Variants in DPP6 observed in about 807,000 individuals in gnomAD.
DPP6 encodes A-type potassium channel modulatory protein DPP6.
DPP6 carries 69 observed loss-of-function variants against 122.6 expected under a neutral mutation model. The ratio of observed to expected loss-of-function variants is 0.56; its 90% CI spans 0.46 to 0.69. The LOEUF (loss-of-function observed/expected upper bound fraction) is 0.69, where lower values mean the gene tolerates loss of function less well. Among genes scored for constraint, DPP6 ranks in the 30% least tolerant of loss-of-function variants. The pLI, the probability that DPP6 is intolerant of heterozygous loss-of-function variation, is 0.00. For synonymous variants in DPP6, 418 were observed against 433.1 expected (o/e 0.97, Z 0.43); for missense variants, 928 against 1,116.9 (o/e 0.83, Z 2.41).
chr7:154,280,661 TAATAAGA>T (rs1252883333), intron 1 of DPP6, among the ~76,000 whole-genome samples: 2 of 152,224 alleles, frequency 1.3e-5, no homozygotes, highest in Non-Finnish European at 2.9e-5. Flanking sequence ...ATTGTCACTC[TAATAAGA>T]ACATATTTGC....
At chr7:153,944,064 A>C (rs1241384963) in intron 1 of DPP6, among the ~76,000 whole-genome samples, 1 of 152,166 alleles carries the variant, frequency 6.6e-6, no homozygotes, top group Non-Finnish European at 1.5e-5. Context: ...AACACAATAG[A>C]GGCTGCTGCT....
At chr7:154,735,624 A>G (rs1842537058) in intron 8 of DPP6, among the ~76,000 whole-genome samples, 1 of 152,202 alleles carries the variant, frequency 6.6e-6, no homozygotes, top group South Asian at 2.1e-4. Context: ...TGACTTGAAG[A>G]ACATGTTAAT....
the DPP6 span, among the ~76,000 whole-genome samples, chr7:153,795,529 A>G: frequency 3.3e-5 from 5 of 152,096 alleles, no homozygotes; most frequent in African/African-American, 1.2e-4. Context: ...TATTAATTTT[A>G]TGGATCTTCT....
At chr7:154,849,699 C>T (rs1252436099) in intron 16 of DPP6, among the ~76,000 whole-genome samples, 1 of 152,184 alleles carries the variant, frequency 6.6e-6, no homozygotes, top group African/African-American at 2.4e-5. Context: ...ACTCCCAGGA[C>T]TATGTTGAAT....
chr7:154,798,528 G>A lies in DPP6; in HGVS notation c.1299+2645G>A, dbSNP rs902903132. Among the ~76,000 whole-genome samples, 8 of 152,218 alleles carry A rather than the reference G, an allele frequency of 5.3e-5. No individual in the cohort carries two copies. In the South Asian group the frequency reaches 6.2e-4, roughly 12 times the overall value. ...AAATTTTTAAAATAGCTGCTTAAACGTATGCAATGCTGCCATGAGTTGGAA... is the reference window on the plus strand; with the variant it reads ...AAATTTTTAAAATAGCTGCTTAAACATATGCAATGCTGCCATGAGTTGGAA... On this transcript the variant is annotated intron_variant, in intron 12 of 25. Coordinates refer to ENST00000377770, the MANE Select transcript of DPP6 (RefSeq NM_130797.4).
At chr7:154,328,497 C>A (rs78028189) in intron 1 of DPP6, among the ~76,000 whole-genome samples, 1,572 of 152,240 alleles carry the variant, frequency 0.01, 28 homozygotes, top group African/African-American at 0.035. Flanking sequence ...GATAGGGAAG[C>A]AATTAATTTG....
chr7:154,808,416 G>A (rs1228946668), intron 16 of DPP6, among the ~76,000 whole-genome samples: 1 of 152,112 alleles, frequency 6.6e-6, no homozygotes, highest in Non-Finnish European at 1.5e-5. Context: ...TATAACATTA[G>A]TGCCCCAGTC....
rs916106186 is a variant in DPP6, at chr7:154,483,414, T to C, written c.457+8377T>C. Among the ~76,000 whole-genome samples the C allele has an allele frequency of 5.3e-5, 8 of 151,912 alleles. No individual in the cohort carries two copies. The highest frequency in any genetic ancestry group is 5.2e-4 in the Admixed American group (8 of 15,262). ...TTTTTTTTTTTTTAAAAGCATTTAT[T>C]TGAGCAAACAGTGATTCATGAATTG... is the stretch of plus-strand genomic sequence containing the variant. On this transcript the variant is annotated intron_variant, in intron 3 of 25. Transcript: ENST00000377770. The surrounding 1 kb of genome is among the most constrained non-coding windows in gnomAD (Gnocchi z 8.1).
chr7:154,063,726 CT>C, intron 1 of DPP6, among the ~76,000 whole-genome samples: 1 of 149,836 alleles, frequency 6.7e-6, no homozygotes, highest in East Asian at 2.0e-4. Flanking sequence ...GCCAGCCCCT[CT>C]TCCCCCCCGG....
intron 1 of DPP6, among the ~76,000 whole-genome samples, chr7:153,992,786 A>G (rs547691468): frequency 6.6e-6 from 1 of 152,270 alleles, no homozygotes; most frequent in African/African-American, 2.4e-5. Context: ...TTCCTCCAAA[A>G]AAGCTCTAAA....
At chr7:154,667,368 T>G (rs1438159527) in intron 6 of DPP6, among the ~76,000 whole-genome samples, 5 of 152,108 alleles carry the variant, frequency 3.3e-5, no homozygotes, top group African/African-American at 1.2e-4. Flanking sequence ...TCATCAAAGC[T>G]TTTCTCTACA....
At chr7:154,041,797 C>G (rs1478384143) in intron 1 of DPP6, among the ~76,000 whole-genome samples, 7 of 151,934 alleles carry the variant, frequency 4.6e-5, no homozygotes, top group Non-Finnish European at 1.0e-4. Context: ...TCTCTGTGGC[C>G]AGGCTGGAGT....
intron 1 of DPP6, among the ~76,000 whole-genome samples, chr7:154,174,356 A>T (rs1270982594): frequency 6.6e-6 from 1 of 152,280 alleles, no homozygotes; most frequent in Admixed American, 6.5e-5. Flanking sequence ...AATGCATAGC[A>T]TAGAATTTAC....
intron 17 of DPP6, among the ~76,000 whole-genome samples, chr7:154,865,994 A>T (rs1051798808): frequency 6.6e-6 from 1 of 152,254 alleles, no homozygotes; most frequent in South Asian, 2.1e-4. Flanking sequence ...ATTTGCTGCC[A>T]GGAAAATGAC....
chr7:153,996,779 G>A (rs971693357), intron 1 of DPP6, among the ~76,000 whole-genome samples: 4 of 152,170 alleles, frequency 2.6e-5, no homozygotes, highest in Non-Finnish European at 4.4e-5. Context: ...GTAATTCAAT[G>A]TCAAGAACAA....
Position 154,893,762 on chromosome 7 carries a change from C to T in DPP6, c.*1282C>T, listed in dbSNP as rs186755063. On this transcript the variant is annotated 3_prime_UTR_variant, in exon 26 of 26. Transcript: ENST00000377770. ...CTCTGTGCAGTCAACCCAGCCTCCT[C>T]CCGCCAGTGCTAACCCCGTGTTGAG... 2.6e-5 allele frequency: 4 copies of T among 152,396 alleles called. No individual in the cohort carries two copies. Among genetic ancestry groups the T allele is most frequent in the Admixed American group, 2.6e-4 (4 of 15,306 alleles). 9.4% of individuals were successfully genotyped at this position (152,396 alleles called of 1,614,324 possible).
At chr7:154,532,759 ATAAT>A (rs1167821051) in intron 3 of DPP6, among the ~76,000 whole-genome samples, 15 of 151,922 alleles carry the variant, frequency 9.9e-5, no homozygotes, top group African/African-American at 3.1e-4. Flanking sequence ...TTTTAAATAA[ATAAT>A]TTATTTTTAA....
In DPP6 at chr7:154,872,560, G is replaced by A. The variant is rs924971588; in HGVS notation, c.1814-64G>A. The A allele has an allele frequency of 6.5e-6, 10 of 1,546,520 alleles. No individual in the cohort carries two copies. In the Admixed American group the frequency reaches 1.4e-4, roughly 21 times the overall value. On this transcript the variant is annotated intron_variant, in intron 18 of 25. Coordinates refer to ENST00000377770, the MANE Select transcript of DPP6 (RefSeq NM_130797.4). ...CCCTCACCCCCACGGTCACCCAAGGGCATGCCCGATACCCCGTGGCCAGCA... is the reference window on the plus strand; with the variant it reads ...CCCTCACCCCCACGGTCACCCAAGGACATGCCCGATACCCCGTGGCCAGCA...
chr7:154,814,884 A>T (rs1376842301), intron 16 of DPP6, among the ~76,000 whole-genome samples: 1 of 152,122 alleles, frequency 6.6e-6, no homozygotes, highest in African/African-American at 2.4e-5. Flanking sequence ...CCCACTTCTT[A>T]TGTGGATGCC....
Sources: gnomAD v4.1 joint callset for allele counts (sites outside exome capture counted in the v4.1 genomes callset) on GRCh38, gnomAD v4.1.1 for gene constraint, Gnocchi (gnomAD v3.1) non-coding constraint, MANE v1.5 for transcripts, NCBI Gene and HGNC (gene_info 2026-07-23, HGNC 2026-07-21) for gene names.